Variants in FBXW8 observed in about 807,000 individuals in gnomAD.
FBXW8 encodes the protein F-box/WD repeat-containing protein 8.
In FBXW8, 57 loss-of-function variants were observed where a neutral mutation model predicts 65.3. The ratio of observed to expected loss-of-function variants is 0.87; its 90% CI spans 0.71 to 1.09. The LOEUF (loss-of-function observed/expected upper bound fraction) is 1.09, where lower values mean the gene tolerates loss of function less well. FBXW8 is among the 50% of genes least tolerant of loss of function. The pLI is 0.00. For synonymous variants in FBXW8, 308 were observed against 330.2 expected (o/e 0.93, Z 0.73); for missense variants, 777 against 814.8 (o/e 0.95, Z 0.57).
At chr12:116,959,611 G>A (rs890437587) in intron 4 of FBXW8, among the ~76,000 whole-genome samples, 1 of 152,230 alleles carries the variant, frequency 6.6e-6, no homozygotes, top group Admixed American at 6.5e-5. Flanking sequence ...AAGAAAGGTT[G>A]TTTTTAGCTG....
Position 117,004,977 on chromosome 12 carries a change from T to C in FBXW8, c.1240-5346T>C, listed in dbSNP as rs149859171. On this transcript the variant is annotated intron_variant, in intron 7 of 10. Coordinates refer to ENST00000652555, the MANE Select transcript of FBXW8 (RefSeq NM_153348.3). ...GAATGTCTGAAGGACTGTTTGATGA[T>C]AGGCTGAGTCTTATCCAGCATGGTC... Among the ~76,000 whole-genome samples the C allele has an allele frequency of 3.1e-3, 470 of 152,372 alleles. 2 individuals are homozygous for C. The highest frequency in any genetic ancestry group is 5.6e-3 in the Admixed American group (85 of 15,312).
intron 2 of FBXW8, among the ~76,000 whole-genome samples, chr12:116,935,911 A>G (rs1882123108): frequency 4.6e-5 from 7 of 152,224 alleles, no homozygotes; most frequent in Admixed American, 4.6e-4. Context: ...TTGGACTTAC[A>G]CTTTTATCTC....
chr12:117,011,288 G>T (rs930255181), intron 8 of FBXW8, among the ~76,000 whole-genome samples: 1 of 152,050 alleles, frequency 6.6e-6, no homozygotes, highest in Non-Finnish European at 1.5e-5. Flanking sequence ...ATCGTGAGGC[G>T]GGTACTCCTC....
rs1954303109 is a variant in FBXW8, at chr12:117,029,114, G to C, written c.*942G>C. ...TAGTATCGCTAACAAGCTGGATCCA[G>C]TAGATGCGTATGGAATTTCAAATAC... On this transcript the variant is annotated 3_prime_UTR_variant, in exon 11 of 11. Transcript: ENST00000652555. 6.6e-6 allele frequency: 1 copy of C among 152,220 alleles called. No individual in the cohort carries two copies. The highest frequency in any genetic ancestry group is 1.9e-4 in the East Asian group (1 of 5,200). The allele number at this position is 152,220 out of a possible 1,614,324, so 9.4% of individuals were successfully genotyped here. A position where few individuals can be genotyped will look rare whatever the true frequency, so the allele number is the denominator to read the frequency against.
intron 7 of FBXW8, 41 bp downstream of exon 7, chr12:116,988,910 T>A: frequency 6.5e-7 from 1 of 1,535,046 alleles, no homozygotes; most frequent in Non-Finnish European, 8.9e-7. Flanking sequence ...AAAAAGAATA[T>A]AGATTTATTT....
chr12:116,962,038 C>T (rs1012956235), intron 4 of FBXW8, among the ~76,000 whole-genome samples: 5 of 152,032 alleles, frequency 3.3e-5, no homozygotes, highest in East Asian at 1.9e-4. Context: ...TGGGCCACAG[C>T]GGTGTTGAAG....
chr12:116,915,545 AC>A (rs1880336364), intron 1 of FBXW8, among the ~76,000 whole-genome samples: 1 of 146,022 alleles, frequency 6.8e-6, no homozygotes, highest in Admixed American at 6.8e-5. Context: ...GTTCCCTTCC[AC>A]CCAAGGGTAA....
At chr12:116,966,034 A>G (rs2137393859) in intron 5 of FBXW8, among the ~76,000 whole-genome samples, 1 of 151,816 alleles carries the variant, frequency 6.6e-6, no homozygotes, top group East Asian at 1.9e-4. Context: ...AAGTGCTAGC[A>G]TTATAGGCAT....
At chr12:116,977,992 G>A (rs1184542688) in intron 5 of FBXW8, 1 of 152,088 alleles carries the variant, frequency 6.6e-6, no homozygotes, top group Non-Finnish European at 1.5e-5. Context: ...CTATTTTGGT[G>A]ATCTCGCTGC....
intron 1 of FBXW8, among the ~76,000 whole-genome samples, chr12:116,911,953 G>C (rs1263738289): frequency 6.6e-6 from 1 of 152,086 alleles, no homozygotes; most frequent in Non-Finnish European, 1.5e-5. Flanking sequence ...ATCTTTTTGT[G>C]GGGCGTGGAT....
At chr12:116,941,826 T>C (rs184996263) in intron 2 of FBXW8, among the ~76,000 whole-genome samples, 1 of 152,306 alleles carries the variant, frequency 6.6e-6, no homozygotes, top group African/African-American at 2.4e-5. Flanking sequence ...TTTTTTGAGT[T>C]ATTTTCTTAG....
intron 9 of FBXW8, among the ~76,000 whole-genome samples, chr12:117,026,541 T>C (rs1217869457): frequency 6.6e-6 from 1 of 152,062 alleles, no homozygotes; most frequent in African/African-American, 2.4e-5. Context: ...AAGAATCCTT[T>C]GCTTTAGTCA....
chr12:116,921,253 GTAT>G (rs1280668684), intron 1 of FBXW8, among the ~76,000 whole-genome samples: 2 of 152,210 alleles, frequency 1.3e-5, no homozygotes, highest in African/African-American at 2.4e-5. Flanking sequence ...AGATTCTATA[GTAT>G]TATAGTTCAC....
At chr12:116,919,500 A>G (rs1880713429) in intron 1 of FBXW8, among the ~76,000 whole-genome samples, 1 of 152,180 alleles carries the variant, frequency 6.6e-6, no homozygotes, top group African/African-American at 2.4e-5. Context: ...AGGGCCCAAT[A>G]AATGTAAGCT....
chr12:116,941,149 A>G (rs1431739611), intron 2 of FBXW8, among the ~76,000 whole-genome samples: 7 of 152,216 alleles, frequency 4.6e-5, no homozygotes, highest in African/African-American at 1.7e-4. Context: ...CTGTTGTTAG[A>G]TCAGACTGAT....
chr12:116,964,526 A>G (rs767487045), intron 4 of FBXW8, among the ~76,000 whole-genome samples, 171 bp from the exon 5 acceptor site: 2 of 152,110 alleles, frequency 1.3e-5, no homozygotes, highest in African/African-American at 2.4e-5. Context: ...GCCTTCTGTC[A>G]TCTAGTTGAC....
chr12:116,931,787 T>A (rs1881789465), intron 2 of FBXW8, among the ~76,000 whole-genome samples: 1 of 152,178 alleles, frequency 6.6e-6, no homozygotes, highest in African/African-American at 2.4e-5. Context: ...TATGTTTATA[T>A]TGTCTGTAAA....
intron 8 of FBXW8, among the ~76,000 whole-genome samples, chr12:117,014,673 T>A (rs1025239811): frequency 3.9e-5 from 6 of 152,250 alleles, no homozygotes; most frequent in African/African-American, 1.2e-4. Flanking sequence ...GTGACTCCAA[T>A]GTCAGTTTGC....
chr12:117,027,595 T>TG, intron 10 of FBXW8, 91 bp downstream of exon 10: 1 of 979,374 alleles, frequency 1.0e-6, no homozygotes, highest in South Asian at 1.4e-5. Flanking sequence ...TTGCACCCTA[T>TG]GGGCTATACC....
Sources: allele counts gnomAD v4.1 joint callset (sites outside exome capture counted in the v4.1 genomes callset), GRCh38; gene constraint gnomAD v4.1.1; transcripts MANE v1.5; gene names NCBI Gene and HGNC (gene_info 2026-07-23, HGNC 2026-07-21).